The following EHBP1 variants were observed in gnomAD, a reference collection of about 807,000 sequenced individuals.
EHBP1 encodes EH domain binding protein 1.
A neutral mutation model predicts 144.0 loss-of-function variants in EHBP1; 55 were observed. That is an observed-to-expected ratio of 0.38 (90% CI 0.31 to 0.48). The LOEUF (loss-of-function observed/expected upper bound fraction) is 0.48, where lower values mean the gene tolerates loss of function less well. Among genes scored for constraint, EHBP1 ranks in the 20% least tolerant of loss-of-function variants. The pLI, the probability that EHBP1 is intolerant of heterozygous loss-of-function variation, is 0.98. For synonymous variants in EHBP1, 469 were observed against 472.7 expected (o/e 0.99, Z 0.10); for missense variants, 1,200 against 1,364.2 (o/e 0.88, Z 1.90).
At chr2:62,713,367 A>G (rs2035345876) in intron 2 of EHBP1, among the ~76,000 whole-genome samples, 1 of 150,966 alleles carries the variant, frequency 6.6e-6, no homozygotes, top group African/African-American at 2.4e-5. Context: ...TCAGCCTCCT[A>G]AGTAGCTGGG....
At chr2:62,692,734 A>G (rs1162056422) in intron 1 of EHBP1, among the ~76,000 whole-genome samples, 2 of 146,836 alleles carry the variant, frequency 1.4e-5, no homozygotes, top group African/African-American at 2.4e-5. Context: ...ATTTTGTATT[A>G]TAATTTTTTT....
At chr2:62,887,046 G>A (rs1024767504) in intron 10 of EHBP1, among the ~76,000 whole-genome samples, 3 of 152,152 alleles carry the variant, frequency 2.0e-5, no homozygotes, top group Admixed American at 6.5e-5. Context: ...TGCTGATACA[G>A]TAGTCTCACA....
At chr2:63,036,961 G>A (rs1232782527) in intron 19 of EHBP1, among the ~76,000 whole-genome samples, 3 of 151,510 alleles carry the variant, frequency 2.0e-5, no homozygotes, top group Non-Finnish European at 4.4e-5. Flanking sequence ...AGATAGCTGT[G>A]GGTATTTTTT....
intron 5 of EHBP1, among the ~76,000 whole-genome samples, chr2:62,810,778 G>A (rs1323229093): frequency 1.3e-5 from 2 of 152,188 alleles, no homozygotes; most frequent in African/African-American, 4.8e-5. Context: ...TGGAAGCTAA[G>A]TTTAAGATCT....
intron 14 of EHBP1, among the ~76,000 whole-genome samples, chr2:62,962,507 T>G (rs2153140038): frequency 6.6e-6 from 1 of 152,312 alleles, no homozygotes; most frequent in East Asian, 1.9e-4. Context: ...TGCTTAAGTT[T>G]AGAATTCATA....
At chr2:62,746,569 A>C (rs2039175288) in intron 2 of EHBP1, among the ~76,000 whole-genome samples, 1 of 152,092 alleles carries the variant, frequency 6.6e-6, no homozygotes. Flanking sequence ...AAATTTAAGT[A>C]AAATAAGTGA....
intron 19 of EHBP1, among the ~76,000 whole-genome samples, chr2:63,032,040 A>C (rs1273708889): frequency 6.6e-6 from 1 of 152,032 alleles, no homozygotes; most frequent in African/African-American, 2.4e-5. Flanking sequence ...TTTCTGCCTT[A>C]ACTTTGTGTT....
chr2:62,987,809 A>G, intron 15 of EHBP1: 1 of 513,356 alleles, frequency 1.9e-6, no homozygotes, highest in Non-Finnish European at 3.3e-6. Flanking sequence ...TAACTTGCTT[A>G]TCTGTGTCAG....
At chr2:62,961,170 A>G (rs1279652263) in intron 14 of EHBP1, among the ~76,000 whole-genome samples, 3 of 152,218 alleles carry the variant, frequency 2.0e-5, no homozygotes, top group African/African-American at 7.2e-5. Flanking sequence ...GAAAGATATA[A>G]GCTGTAATTT....
intron 7 of EHBP1, among the ~76,000 whole-genome samples, chr2:62,835,316 T>C (rs143692424): frequency 9.1e-4 from 138 of 152,318 alleles, no homozygotes; most frequent in African/African-American, 2.8e-3. Context: ...ATCCCTTACA[T>C]GTTGCTTTTC....
intron 10 of EHBP1, among the ~76,000 whole-genome samples, chr2:62,882,385 A>T (rs2051521753): frequency 6.6e-6 from 1 of 152,240 alleles, no homozygotes; most frequent in Non-Finnish European, 1.5e-5. Context: ...TCCAATATCC[A>T]TAAGAGTAAA....
intron 1 of EHBP1, among the ~76,000 whole-genome samples, chr2:62,680,141 G>A (rs527771625): frequency 6.6e-6 from 1 of 152,150 alleles, no homozygotes; most frequent in Non-Finnish European, 1.5e-5. Flanking sequence ...CTGAGTTAAG[G>A]GGAGATCACC....
chr2:62,876,083 T>A (rs925058144), intron 10 of EHBP1, among the ~76,000 whole-genome samples: 6 of 152,202 alleles, frequency 3.9e-5, no homozygotes, highest in African/African-American at 1.4e-4. Context: ...CATGAAAATT[T>A]CCCCATCCTT....
chr2:62,987,836 C>T, intron 15 of EHBP1: 1 of 643,760 alleles, frequency 1.6e-6, no homozygotes, highest in Admixed American at 3.3e-5. Context: ...ATTTGAATAA[C>T]TATACTAAAA....
At chr2:62,732,843 C>A (rs563082671) in intron 2 of EHBP1, among the ~76,000 whole-genome samples, 9 of 152,206 alleles carry the variant, frequency 5.9e-5, no homozygotes, top group Non-Finnish European at 1.3e-4. Context: ...CCCAATTCTT[C>A]TATTTCCACT....
chr2:62,807,880 A>C (rs572342913), intron 5 of EHBP1, among the ~76,000 whole-genome samples: 1 of 152,048 alleles, frequency 6.6e-6, no homozygotes, highest in Non-Finnish European at 1.5e-5. Context: ...AGTAATTACT[A>C]TATTTGTTTC....
In EHBP1 at chr2:62,859,998, C is replaced by A. The variant is rs139811937; in HGVS notation, c.757+707C>A. On this transcript the variant is annotated intron_variant, in intron 8 of 22. Coordinates refer to ENST00000431489, the MANE Select transcript of EHBP1 (RefSeq NM_001142616.3). ...TGAATTTTAAAGAATTTTGCTACTGCCTGTCATGGTGAAAATGAGGTTTTA... is the reference window on the plus strand; with the variant it reads ...TGAATTTTAAAGAATTTTGCTACTGACTGTCATGGTGAAAATGAGGTTTTA... 3.1e-3 allele frequency among the ~76,000 whole-genome samples: 476 copies of A among 152,154 alleles called. 3 individuals are homozygous for A. Among genetic ancestry groups the A allele is most frequent in the African/African-American group, 0.011 (442 of 41,476 alleles).
chr2:62,889,103 G>C (rs2052212109), intron 10 of EHBP1, among the ~76,000 whole-genome samples: 1 of 106,098 alleles, frequency 9.4e-6, no homozygotes, highest in African/African-American at 3.7e-5. Context: ...TCACTCTGTT[G>C]CCCAAGCTGG....
chr2:62,742,755 C>T (rs2038834573), intron 2 of EHBP1, among the ~76,000 whole-genome samples: 2 of 152,134 alleles, frequency 1.3e-5, no homozygotes, highest in East Asian at 3.9e-4. Flanking sequence ...TCCCCTACTT[C>T]TGTTGACTTG....
Sources: gnomAD v4.1 joint callset for allele counts (sites outside exome capture counted in the v4.1 genomes callset) on GRCh38, gnomAD v4.1.1 for gene constraint, MANE v1.5 for transcripts, NCBI Gene and HGNC (gene_info 2026-07-23, HGNC 2026-07-21) for gene names.